Variants in JAM3 observed in about 807,000 individuals in gnomAD.
JAM3 encodes the protein junctional adhesion molecule 3.
JAM3 carries 31 observed loss-of-function variants against 39.4 expected under a neutral mutation model. That is an observed-to-expected ratio of 0.79 (90% CI 0.59 to 1.06). The LOEUF (loss-of-function observed/expected upper bound fraction) is 1.06. Ranked by LOEUF, JAM3 falls within the 50% of genes least tolerant of loss-of-function variation. JAM3 has a pLI of 0.00. For missense variants in JAM3, 455 were observed against 391.4 expected, an observed-to-expected ratio of 1.16 and a Z score of -1.37; for synonymous variants, 182 against 148.7, an observed-to-expected ratio of 1.22 and a Z score of -1.63.
intron 1 of JAM3, among the ~76,000 whole-genome samples, chr11:134,131,040 C>A (rs913520695): frequency 6.6e-6 from 1 of 152,114 alleles, no homozygotes; most frequent in South Asian, 2.1e-4. Context: ...TCAAAAGCAG[C>A]CACATGTATG....
intron 3 of JAM3, 110 bp from the exon 4 acceptor site, chr11:134,144,131 T>A: frequency 2.0e-6 from 2 of 984,928 alleles, no homozygotes; most frequent in South Asian, 2.6e-5. Context: ...TAAATATTGA[T>A]CTGCAGGCTT....
At chr11:134,108,820 C>G (rs189015337) in intron 1 of JAM3, among the ~76,000 whole-genome samples, 31 of 152,186 alleles carry the variant, frequency 2.0e-4, no homozygotes, top group African/African-American at 6.3e-4. Context: ...AGAGGTAAAT[C>G]AATAAACCAA....
intron 1 of JAM3, among the ~76,000 whole-genome samples, chr11:134,127,632 G>A (rs1350676247): frequency 6.6e-6 from 1 of 152,246 alleles, no homozygotes; most frequent in Non-Finnish European, 1.5e-5. Flanking sequence ...CCCCGGAGGT[G>A]GAGGTTGCAA....
At chr11:134,105,210 A>G (rs1170269400) in intron 1 of JAM3, among the ~76,000 whole-genome samples, 1 of 152,214 alleles carries the variant, frequency 6.6e-6, no homozygotes, top group Admixed American at 6.5e-5. Flanking sequence ...TACGCAAATC[A>G]ATAAACATCA....
intron 1 of JAM3, among the ~76,000 whole-genome samples, chr11:134,110,261 A>G (rs1395805346): frequency 6.6e-6 from 1 of 152,228 alleles, no homozygotes; most frequent in Non-Finnish European, 1.5e-5. Flanking sequence ...GTGATTAAAA[A>G]TGAAAAGATA....
chr11:134,090,445 T>A (rs1941826796), intron 1 of JAM3, among the ~76,000 whole-genome samples: 1 of 152,192 alleles, frequency 6.6e-6, no homozygotes. Context: ...ATATGGAAAT[T>A]CACATTTCGC....
chr11:134,110,480 T>C (rs112723676), intron 1 of JAM3, among the ~76,000 whole-genome samples: 5 of 152,354 alleles, frequency 3.3e-5, no homozygotes, highest in Admixed American at 3.3e-4. Flanking sequence ...AATAAATTAT[T>C]GATGCATGCT....
rs1943205193 is a variant in JAM3 at position 134,150,878 on chromosome 11, A to G, written c.*1697A>G. 6.6e-6 allele frequency: 1 copy of G among 152,178 alleles called. No homozygotes were observed. The highest frequency in any genetic ancestry group is 1.5e-5 in the Non-Finnish European group (1 of 68,028). The allele number at this position is 152,178 out of a possible 1,614,324, so 9.4% of individuals were successfully genotyped here. On this transcript the variant is annotated 3_prime_UTR_variant, in exon 9 of 9. Coordinates refer to ENST00000299106, the MANE Select transcript of JAM3 (RefSeq NM_032801.5). The stretch of plus-strand genomic sequence containing the variant: ...AACGTCAGGTGGAGCAGCCAGGTGA[A>G]AGGCCTGGCGGGGAGGAAAGTGAAA...
rs562762284 is a variant in JAM3, at chr11:134,138,421, G to A, written c.77-1430G>A. The stretch of plus-strand genomic sequence containing the variant: ...CGTCGAAGTCGTGGTGCTCATACTG[G>A]AAGAAATGTTTATGGCCAATAGTCC... On this transcript the variant is annotated intron_variant, in intron 1 of 8. Transcript: ENST00000299106. 3.6e-3 allele frequency among the ~76,000 whole-genome samples: 160 copies of A among 44,374 alleles called. 37 individuals carry two copies. The highest frequency in any genetic ancestry group is 0.024 in the African/African-American group (135 of 5,584). The allele number at this position is 44,374 out of a possible 152,430, so 29.1% of individuals were successfully genotyped here.
rs1210779215 is a variant in JAM3 at position 134,151,967 on chromosome 11, A to G, written c.*2786A>G. ...TGTTGCGGTTCCCACTTGGGATGGC[A>G]GTGGGCAGATCTCAGTGGCATCCCA... On this transcript the variant is annotated 3_prime_UTR_variant, in exon 9 of 9. Coordinates refer to ENST00000299106, the MANE Select transcript of JAM3 (RefSeq NM_032801.5). The G allele has an allele frequency of 6.6e-6, 1 of 152,176 alleles. No individual in the cohort carries two copies. The highest frequency in any genetic ancestry group is 1.5e-5 in the Non-Finnish European group (1 of 68,026). The allele number at this position is 152,176 out of a possible 1,614,324, so 9.4% of individuals were successfully genotyped here.
At chr11:134,129,894 C>T (rs1053622753) in intron 1 of JAM3, among the ~76,000 whole-genome samples, 4 of 152,064 alleles carry the variant, frequency 2.6e-5, no homozygotes, top group South Asian at 2.1e-4. Context: ...CCCAGCTACT[C>T]GGGAGGCTGA....
At chr11:134,127,574 T>G (rs986252245) in intron 1 of JAM3, among the ~76,000 whole-genome samples, 1 of 152,106 alleles carries the variant, frequency 6.6e-6, no homozygotes, top group Non-Finnish European at 1.5e-5. Flanking sequence ...GTGGCACATG[T>G]CTGTAGTCCC....
intron 1 of JAM3, among the ~76,000 whole-genome samples, chr11:134,130,727 A>G (rs1354699961): frequency 6.6e-6 from 1 of 152,214 alleles, no homozygotes; most frequent in Non-Finnish European, 1.5e-5. Flanking sequence ...GGTCTTGAAG[A>G]GGCAACAGCT....
In JAM3 at chr11:134,140,620, C is replaced by T. The variant is rs747738886; in HGVS notation, c.143-37C>T. 7.8e-6 allele frequency: 12 copies of T among 1,546,420 alleles called. No homozygotes were observed. The South Asian group carries it at 1.0e-4, about 13-fold the overall frequency. On this transcript the variant is annotated intron_variant, in intron 2 of 8. Transcript: ENST00000299106. ...TGCAGCTGAACGTAGAAGCACTCCACATTCACCGAGAGCTCTTTTTCTTCT... is the reference window on the plus strand; with the variant it reads ...TGCAGCTGAACGTAGAAGCACTCCATATTCACCGAGAGCTCTTTTTCTTCT...
At chr11:134,123,185 A>G (rs1942569140) in intron 1 of JAM3, among the ~76,000 whole-genome samples, 1 of 152,046 alleles carries the variant, frequency 6.6e-6, no homozygotes, top group Non-Finnish European at 1.5e-5. Context: ...CATATAATAT[A>G]TCTATATGTC....
intron 1 of JAM3, among the ~76,000 whole-genome samples, chr11:134,112,388 A>G (rs919572189): frequency 3.3e-5 from 5 of 151,996 alleles, no homozygotes; most frequent in Admixed American, 1.3e-4. Context: ...GCACCCAGCC[A>G]GTCAATCAAT....
intron 1 of JAM3, among the ~76,000 whole-genome samples, chr11:134,111,133 CTTTTTTTTTTTTTTTTTTT>C (rs71038561): frequency 1.2e-5 from 1 of 86,746 alleles, no homozygotes; most frequent in Non-Finnish European, 2.1e-5. Context: ...ACACATCCAT[CTTTTTTTTTTTTTTTTTTT>C]TTTTTTTTTG....
chr11:134,111,133 CTTTTTTTT>C (rs71038561), intron 1 of JAM3, among the ~76,000 whole-genome samples: 1 of 86,746 alleles, frequency 1.2e-5, no homozygotes, highest in African/African-American at 5.5e-5. Context: ...ACACATCCAT[CTTTTTTTT>C]TTTTTTTTTT....
At chr11:134,086,571 GAAT>G (rs996965573) in intron 1 of JAM3, among the ~76,000 whole-genome samples, 6 of 152,120 alleles carry the variant, frequency 3.9e-5, no homozygotes, top group Non-Finnish European at 8.8e-5. Context: ...AGGAAACTTT[GAAT>G]AATAAGAGGT....
Sources: gnomAD v4.1 joint callset for allele counts (sites outside exome capture counted in the v4.1 genomes callset) on GRCh38, gnomAD v4.1.1 for gene constraint, MANE v1.5 for transcripts, NCBI Gene and HGNC (gene_info 2026-07-23, HGNC 2026-07-21) for gene names.